The following NBEA variants were observed in gnomAD, a reference collection of about 807,000 sequenced individuals.
NBEA encodes neurobeachin.
In NBEA, 44 loss-of-function variants were observed where a neutral mutation model predicts 343.4. The ratio of observed to expected loss-of-function variants is 0.13; its 90% CI spans 0.10 to 0.16. The LOEUF (loss-of-function observed/expected upper bound fraction) is 0.16. Among genes scored for constraint, NBEA ranks in the 10% least tolerant of loss-of-function variants. The probability of loss-of-function intolerance (pLI) is 1.00; values close to 1 mark genes in which losing one functional copy is unlikely to be tolerated. For missense variants in NBEA, 2,555 were observed against 3,631.3 expected (o/e 0.70, Z 7.62); for synonymous variants, 1,175 against 1,238.7 (o/e 0.95, Z 1.08).
chr13:35,480,515 A>C (rs1325999551), intron 41 of NBEA, among the ~76,000 whole-genome samples: 1 of 152,090 alleles, frequency 6.6e-6, no homozygotes, highest in Non-Finnish European at 1.5e-5. Flanking sequence ...CTGCTAGTCT[A>C]TTCACAAGTA....
intron 38 of NBEA, among the ~76,000 whole-genome samples, chr13:35,381,516 C>A (rs1012430504): frequency 1.3e-5 from 2 of 152,040 alleles, no homozygotes; most frequent in African/African-American, 2.4e-5. Flanking sequence ...GACTTCTATT[C>A]CCGAGTAGCA....
chr13:35,461,885 A>G (rs940911100), intron 40 of NBEA, among the ~76,000 whole-genome samples: 6 of 152,236 alleles, frequency 3.9e-5, no homozygotes, highest in African/African-American at 1.2e-4. Context: ...AGAAATACTT[A>G]AACAATTAGC....
intron 39 of NBEA, among the ~76,000 whole-genome samples, chr13:35,433,052 T>C (rs1433992676): frequency 2.0e-5 from 3 of 152,134 alleles, no homozygotes; most frequent in African/African-American, 7.2e-5. Context: ...TTGAAAAAGA[T>C]GGTCTCCTAC....
chr13:35,381,830 C>T (rs146304109), intron 38 of NBEA, among the ~76,000 whole-genome samples: 36 of 152,222 alleles, frequency 2.4e-4, no homozygotes, highest in African/African-American at 8.7e-4. Flanking sequence ...TGAAATTCTT[C>T]ACCTTCACCA....
Position 35,159,525 on chromosome 13 carries a change from T to A in NBEA, c.3354T>A (p.Ile1118=), listed in dbSNP as rs1566383047. ...QNNVHGSVGI[I]KKNEEKDNGP... ...ATGTACATGGAAGTGTTGGTATCATTAAAAAAAATGAAGAAAAGGATAATG... is the reference window on the plus strand; with the variant it reads ...ATGTACATGGAAGTGTTGGTATCATAAAAAAAAATGAAGAAAAGGATAATG... Residue 1118 remains isoleucine, a synonymous_variant, in exon 22 of 59, where the codon ATT becomes ATA. Transcript: ENST00000379939. 1 of 1,612,022 alleles carries A rather than the reference T, an allele frequency of 6.2e-7. No individual in the cohort carries two copies. Among genetic ancestry groups the A allele is most frequent in the South Asian group, 1.1e-5 (1 of 90,932 alleles).
At chr13:35,194,835 ATAT>A (rs1303486008) in intron 30 of NBEA, among the ~76,000 whole-genome samples, 2 of 152,208 alleles carry the variant, frequency 1.3e-5, no homozygotes, top group South Asian at 2.1e-4. Context: ...TTAGTTGTTA[ATAT>A]TATATGTGTA....
intron 38 of NBEA, among the ~76,000 whole-genome samples, chr13:35,357,735 C>T (rs1353597826): frequency 2.6e-5 from 4 of 151,952 alleles, no homozygotes; most frequent in Non-Finnish European, 5.9e-5. Context: ...GTCTTTTGAA[C>T]AAAGATTTTA....
intron 45 of NBEA, among the ~76,000 whole-genome samples, chr13:35,578,593 C>T (rs1382082212): frequency 6.6e-6 from 1 of 152,152 alleles, no homozygotes; most frequent in Admixed American, 6.5e-5. Flanking sequence ...GTTTCCTCCT[C>T]ATGAAATTAG....
chr13:35,618,913 C>A (rs2082856094), intron 48 of NBEA, among the ~76,000 whole-genome samples: 1 of 152,094 alleles, frequency 6.6e-6, no homozygotes, highest in South Asian at 2.1e-4. Context: ...GCTGCTGGGC[C>A]AAGTACAGGC....
chr13:35,504,183 G>A (rs778502872), intron 41 of NBEA, among the ~76,000 whole-genome samples: 2 of 152,184 alleles, frequency 1.3e-5, no homozygotes, highest in Non-Finnish European at 1.5e-5. Flanking sequence ...AGAATGTGGA[G>A]TATCCCTTTG....
chr13:35,434,997 T>G (rs1404260865), intron 39 of NBEA, among the ~76,000 whole-genome samples: 1 of 152,006 alleles, frequency 6.6e-6, no homozygotes, highest in Non-Finnish European at 1.5e-5. Context: ...AAAGATAAGA[T>G]AGATTATTAC....
At chr13:35,091,198 C>T (rs1038579252) in intron 10 of NBEA, among the ~76,000 whole-genome samples, 12 of 151,948 alleles carry the variant, frequency 7.9e-5, no homozygotes, top group Non-Finnish European at 2.9e-5. Flanking sequence ...CCCTTTTCTT[C>T]TTAATCTCTC....
intron 17 of NBEA, among the ~76,000 whole-genome samples, chr13:35,127,917 G>A (rs188059109): frequency 7.9e-5 from 12 of 151,726 alleles, no homozygotes; most frequent in Non-Finnish European, 1.3e-4. Context: ...AAAAAAAAAT[G>A]TAAAAGCTTT....
At chr13:35,340,779 G>A (rs1422962598) in intron 36 of NBEA, among the ~76,000 whole-genome samples, 3 of 151,836 alleles carry the variant, frequency 2.0e-5, no homozygotes, top group African/African-American at 7.3e-5. Context: ...ATACCTCCCA[G>A]GTTTTAATGG....
rs187228959 is a variant in NBEA, at chr13:35,485,951, A to G, written c.6585+13415A>G. Among the ~76,000 whole-genome samples, 46 of 152,228 alleles carry G rather than the reference A, an allele frequency of 3.0e-4. 1 individual carries two copies. The East Asian group carries it at 7.0e-3, about 23-fold the overall frequency. On this transcript the variant is annotated intron_variant, in intron 41 of 58. Transcript: ENST00000379939. ...GTAAGACATACTTCACAACCACTTTAGAGTGTGTATTTGAACTCTGCGTAT... is the reference window on the plus strand; with the variant it reads ...GTAAGACATACTTCACAACCACTTTGGAGTGTGTATTTGAACTCTGCGTAT...
At chr13:35,650,202 G>A (rs1317579969) in intron 52 of NBEA, among the ~76,000 whole-genome samples, 1 of 152,044 alleles carries the variant, frequency 6.6e-6, no homozygotes, top group African/African-American at 2.4e-5. Context: ...TTTGAATATG[G>A]GTTTCTGGAT....
intron 44 of NBEA, among the ~76,000 whole-genome samples, chr13:35,556,321 A>C (rs2079570258): frequency 6.6e-6 from 1 of 152,106 alleles, no homozygotes; most frequent in Admixed American, 6.6e-5. Context: ...TAGCAGAAAG[A>C]ACACAACTTT....
chr13:35,176,971 T>C (rs775396858), intron 27 of NBEA, 25 bp from the exon 28 acceptor site: 2 of 1,410,462 alleles, frequency 1.4e-6, no homozygotes, highest in Non-Finnish European at 2.0e-6. Flanking sequence ...ATATTATCTA[T>C]TCACAATTCT....
At chr13:35,152,166 A>G (rs886878150) in intron 18 of NBEA, among the ~76,000 whole-genome samples, 8 of 152,218 alleles carry the variant, frequency 5.3e-5, no homozygotes, top group African/African-American at 1.9e-4. Context: ...CCTTATAGTA[A>G]TAACTAACCA....
Sources: allele counts gnomAD v4.1 joint callset (sites outside exome capture counted in the v4.1 genomes callset), GRCh38; gene constraint gnomAD v4.1.1; transcripts MANE v1.5; gene names NCBI Gene and HGNC (gene_info 2026-07-23, HGNC 2026-07-21).